The following FAM227B variants were observed in gnomAD, a reference collection of about 807,000 sequenced individuals.
FAM227B encodes protein FAM227B.
Under a neutral mutation model 73.8 loss-of-function variants are expected in FAM227B, and 88 were observed. That is an observed-to-expected ratio of 1.19 (90% CI 1.00 to 1.42). The LOEUF (loss-of-function observed/expected upper bound fraction) is 1.42. FAM227B is among the 40% of genes most tolerant of loss of function. FAM227B has a pLI of 0.00. For missense variants in FAM227B, 632 were observed against 590.9 expected (o/e 1.07, Z -0.72); for synonymous variants, 210 against 190.5 (o/e 1.10, Z -0.84).
At chr15:49,514,586 C>T (rs2059256460) in intron 10 of FAM227B, among the ~76,000 whole-genome samples, 1 of 151,912 alleles carries the variant, frequency 6.6e-6, no homozygotes. Flanking sequence ...AATATTTCAC[C>T]CATTTTTAAA....
At position 49,613,207 on chromosome 15, in the gene FAM227B, TAAAACAAAAC is replaced by T. The variant is rs1206701144; in HGVS notation, c.51+1904_51+1913del. Among the ~76,000 whole-genome samples, 5 of 151,238 alleles carry T rather than the reference TAAAACAAAAC, an allele frequency of 3.3e-5. 1 individual carries two copies. On this transcript the variant is annotated intron_variant, in intron 2 of 15. Coordinates refer to ENST00000299338, the MANE Select transcript of FAM227B (RefSeq NM_152647.3). Reference sequence around the variant, plus strand: ...CTCCATAAAAAATTTTAAAAAAAGGTAAAACAAAACAAAACAAAACAGAGTGGCCAGGCAT... The same window carrying T: ...CTCCATAAAAAATTTTAAAAAAAGGTAAAACAAAACAGAGTGGCCAGGCAT...
intron 11 of FAM227B, among the ~76,000 whole-genome samples, chr15:49,505,741 G>A (rs117544549): frequency 0.013 from 2,025 of 151,978 alleles, 17 homozygotes; most frequent in Non-Finnish European, 0.021. Context: ...ACAAAGAACA[G>A]ATGGGATAAA....
intron 13 of FAM227B, among the ~76,000 whole-genome samples, chr15:49,358,847 G>C (rs2043658200): frequency 1.3e-5 from 2 of 151,528 alleles, no homozygotes; most frequent in Admixed American, 6.6e-5. Context: ...ATACTACAAG[G>C]CTACAGTAAC....
chr15:49,489,826 ATATATATATATATTT>A (rs2056799601), intron 11 of FAM227B, among the ~76,000 whole-genome samples: 1 of 34,968 alleles, frequency 2.9e-5, no homozygotes, highest in African/African-American at 1.3e-4. Flanking sequence ...TATATTTTAT[ATATATATATATATTT>A]TATATATATA....
chr15:49,502,569 T>G (rs2058230124), intron 11 of FAM227B, among the ~76,000 whole-genome samples: 1 of 152,346 alleles, frequency 6.6e-6, no homozygotes, highest in Middle Eastern at 3.4e-3. Context: ...CCATCGTATT[T>G]TGGAAGTAAG....
chr15:49,361,837 G>C (rs907335312), intron 13 of FAM227B, among the ~76,000 whole-genome samples: 1 of 152,084 alleles, frequency 6.6e-6, no homozygotes, highest in Non-Finnish European at 1.5e-5. Flanking sequence ...TTTCCACAAC[G>C]GTTGAACTAA....
chr15:49,491,387 C>G (rs978560682), intron 11 of FAM227B, among the ~76,000 whole-genome samples: 1 of 151,798 alleles, frequency 6.6e-6, no homozygotes, highest in Non-Finnish European at 1.5e-5. Flanking sequence ...AAACTAGCAC[C>G]CAAAGCTGTC....
At chr15:49,567,105 A>G (rs998390210) in intron 9 of FAM227B, among the ~76,000 whole-genome samples, 2 of 152,152 alleles carry the variant, frequency 1.3e-5, no homozygotes, top group Non-Finnish European at 2.9e-5. Flanking sequence ...CACTCTCAGT[A>G]AATAGTTAAA....
At chr15:49,360,439 C>T (rs1286999731) in intron 13 of FAM227B, among the ~76,000 whole-genome samples, 5 of 152,118 alleles carry the variant, frequency 3.3e-5, no homozygotes, top group Non-Finnish European at 5.9e-5. Context: ...ACTACACCAA[C>T]ATTTTGGCTC....
chr15:49,537,443 A>G (rs8034473), intron 10 of FAM227B, among the ~76,000 whole-genome samples: 106,873 of 152,002 alleles, frequency 0.7, 37,893 homozygotes, highest in East Asian at 0.92. Context: ...TGCATAAATG[A>G]GAACCCTTGT....
intron 11 of FAM227B, among the ~76,000 whole-genome samples, chr15:49,459,497 A>G (rs572224652): frequency 6.6e-6 from 1 of 152,176 alleles, no homozygotes; most frequent in East Asian, 1.9e-4. Context: ...TTTTAAATGA[A>G]CCTGCATTTC....
At chr15:49,409,318 T>C (rs1034323011) in intron 11 of FAM227B, among the ~76,000 whole-genome samples, 4 of 152,092 alleles carry the variant, frequency 2.6e-5, no homozygotes, top group Non-Finnish European at 5.9e-5. Flanking sequence ...AAACCGTATG[T>C]TGAAAGTAAT....
At chr15:49,407,679 A>AAT (rs897443665) in intron 11 of FAM227B, among the ~76,000 whole-genome samples, 8 of 147,902 alleles carry the variant, frequency 5.4e-5, no homozygotes, top group African/African-American at 1.5e-4. Context: ...ATATAGTACT[A>AAT]ATATATATAT....
chr15:49,600,654 C>CAAA (rs776786703), intron 3 of FAM227B, among the ~76,000 whole-genome samples: 6 of 107,224 alleles, frequency 5.6e-5, no homozygotes, highest in African/African-American at 1.7e-4. Context: ...GACCACATCT[C>CAAA]AAAAAAAAAA....
At chr15:49,368,756 T>A (rs1282804248) in intron 12 of FAM227B, among the ~76,000 whole-genome samples, 1 of 152,240 alleles carries the variant, frequency 6.6e-6, no homozygotes, top group African/African-American at 2.4e-5. Context: ...TCTTGGGTAC[T>A]ATAAGATAAA....
chr15:49,455,199 A>T (rs1224592290), intron 11 of FAM227B, among the ~76,000 whole-genome samples: 1 of 152,154 alleles, frequency 6.6e-6, no homozygotes, highest in Non-Finnish European at 1.5e-5. Flanking sequence ...AAGTCTGGTG[A>T]TATTCCTGTT....
intron 10 of FAM227B, 68 bp downstream of exon 10, chr15:49,541,612 T>C (rs1229685208): frequency 2.3e-6 from 3 of 1,295,226 alleles, no homozygotes; most frequent in African/African-American, 3.0e-5. Flanking sequence ...ATGGAATAAA[T>C]AAAATACTGC....
chr15:49,364,548 A>C (rs991819679), intron 13 of FAM227B, among the ~76,000 whole-genome samples: 1 of 152,134 alleles, frequency 6.6e-6, no homozygotes, highest in Non-Finnish European at 1.5e-5. Context: ...TGCAGTCTGA[A>C]GTAATTTCAG....
chr15:49,334,834 GATAGAAGAAC>G (rs1476118043), intron 14 of FAM227B, among the ~76,000 whole-genome samples: 1 of 152,158 alleles, frequency 6.6e-6, no homozygotes. Context: ...TGACAGCATG[GATAGAAGAAC>G]TGGACCCTGC....
Sources: allele counts gnomAD v4.1 joint callset (sites outside exome capture counted in the v4.1 genomes callset), GRCh38; gene constraint gnomAD v4.1.1; transcripts MANE v1.5; gene names NCBI Gene and HGNC (gene_info 2026-07-23, HGNC 2026-07-21).